Variants in MCF2L observed in about 807,000 individuals in gnomAD.
MCF2L encodes guanine nucleotide exchange factor DBS.
Under a neutral mutation model 153.4 loss-of-function variants are expected in MCF2L, and 97 were observed. That is an observed-to-expected ratio of 0.63 (90% CI 0.54 to 0.75). The LOEUF (loss-of-function observed/expected upper bound fraction) is 0.75, where lower values mean the gene tolerates loss of function less well. MCF2L is among the 30% of genes least tolerant of loss of function. The pLI is 0.00. For missense variants in MCF2L, 1,347 were observed against 1,495.2 expected (o/e 0.90, Z 1.64); for synonymous variants, 659 against 632.2 (o/e 1.04, Z -0.64).
In MCF2L at chr13:113,064,638, C is replaced by CA. The variant is rs76349176; in HGVS notation, c.606+234dup. 0.089 allele frequency: 40,694 copies of CA among 455,346 alleles called. 24 individuals are homozygous for CA. The highest frequency in any genetic ancestry group is 0.12 in the South Asian group (4,183 of 35,760). The allele number at this position is 455,346 out of a possible 1,614,324, so 28.2% of individuals were successfully genotyped here. ...AGTGGCTTTCTCTGGGCTTGGAGAC[C>CA]AAAAAAAAAAAAAAAACCCTTGCGT... On this transcript the variant is annotated intron_variant, in intron 6 of 29. Transcript: ENST00000535094. This position sits in a 1 kb window ranked among gnomAD's most constrained non-coding sequence, Gnocchi z 6.0.
upstream of MCF2L, chr13:112,967,607 A>G (rs1373565173): frequency 6.6e-6 from 1 of 152,306 alleles, no homozygotes; most frequent in Non-Finnish European, 1.5e-5. Flanking sequence ...TAGGCACTAT[A>G]AGGGGGAGTA....
At chr13:113,044,764 C>G (rs766056446) in intron 3 of MCF2L, 57 of 1,612,840 alleles carry the variant, frequency 3.5e-5, no homozygotes, top group Non-Finnish European at 3.1e-5. Context: ...TCTCCCGTTT[C>G]CAGCAGATGC....
chr13:112,957,036 C>T (rs935328426), intron 2 of MCF2L: 1 of 152,136 alleles, frequency 6.6e-6, no homozygotes, highest in Non-Finnish European at 1.5e-5. Flanking sequence ...TACTGCGTGT[C>T]GTTCTTGTGA....
intron 20 of MCF2L, 77 bp downstream of exon 20, chr13:113,085,255 C>T: frequency 8.0e-7 from 1 of 1,244,762 alleles, no homozygotes. Flanking sequence ...GGGGCCCCGT[C>T]CCCATCGCGC....
intron 4 of MCF2L, among the ~76,000 whole-genome samples, chr13:113,056,150 G>C (rs1010892609): frequency 6.6e-6 from 1 of 152,270 alleles, no homozygotes; most frequent in African/African-American, 2.4e-5. Flanking sequence ...ACCTGCCCTG[G>C]ACGGGGAGGG....
rs1224034631 is a variant in MCF2L at position 112,951,675 on chromosome 13, G to A, written c.169+49304G>A. ...GGGGGGTCCACGAGGGGTGATCTGG[G>A]AGGAACATGGGTGTGTCCAGGAGGG... On this transcript the variant is annotated intron_variant, in intron 2 of 29. Transcript: ENST00000375608. This position sits in a 1 kb window ranked among gnomAD's most constrained non-coding sequence, Gnocchi z 4.8. 6.6e-6 allele frequency among the ~76,000 whole-genome samples: 1 copy of A among 152,188 alleles called. No homozygotes were observed. The highest frequency in any genetic ancestry group is 1.9e-4 in the East Asian group (1 of 5,194).
rs768364614 is a variant in MCF2L, at chr13:113,089,736, T to C, written c.2953+8T>C. 1 of 1,611,992 alleles carries C rather than the reference T, an allele frequency of 6.2e-7. No homozygotes were observed. Among genetic ancestry groups the C allele is most frequent in the Non-Finnish European group, 8.5e-7 (1 of 1,178,470 alleles). On this transcript the variant is annotated splice_region_variant and intron_variant, in intron 26 of 29. Transcript: ENST00000535094. ...CCCCCGAAAAGGGCAAAGGTGGGTA[T>C]GTGCAGGGACCGGGCCTCACACGGA...
chr13:112,913,558 G>A (rs898697697), intron 2 of MCF2L, among the ~76,000 whole-genome samples: 2 of 152,188 alleles, frequency 1.3e-5, no homozygotes, highest in East Asian at 1.9e-4. Flanking sequence ...CTCGGTGTGA[G>A]AGGATGGGCT....
Position 113,006,301 on chromosome 13 carries a change from T to C in MCF2L, c.80-8462T>C, listed in dbSNP as rs538457271. Among the ~76,000 whole-genome samples the C allele has an allele frequency of 9.2e-5, 14 of 152,378 alleles. No individual in the cohort carries two copies. In the South Asian group the frequency reaches 2.3e-3, roughly 25 times the overall value. Reference sequence around the variant, plus strand: ...CCTGCAGTCCTGGGCTGCTTACAGCTGAGCCTGACCTTGAATTCCCCGTCT... The same window carrying C: ...CCTGCAGTCCTGGGCTGCTTACAGCCGAGCCTGACCTTGAATTCCCCGTCT... On this transcript the variant is annotated intron_variant, in intron 1 of 29. Coordinates refer to ENST00000535094, the MANE Select transcript of MCF2L (RefSeq NM_001112732.3).
intron 2 of MCF2L, chr13:112,909,165 G>A: frequency 1.3e-5 from 10 of 774,136 alleles, no homozygotes; most frequent in Non-Finnish European, 2.4e-5. Flanking sequence ...TTAAGTCCAG[G>A]ACTGGCAAAA....
chr13:113,025,952 C>CA (rs1566758338), intron 3 of MCF2L, among the ~76,000 whole-genome samples: 1 of 108,806 alleles, frequency 9.2e-6, no homozygotes, highest in African/African-American at 3.3e-5. Flanking sequence ...TGTGAGATTT[C>CA]CCCGTCATGG....
intron 3 of MCF2L, among the ~76,000 whole-genome samples, chr13:113,029,342 G>C (rs1028621655): frequency 6.6e-6 from 1 of 152,216 alleles, no homozygotes; most frequent in Non-Finnish European, 1.5e-5. Context: ...TGTCCTTCCA[G>C]AGAGAGTGAA....
At chr13:113,081,145 CTG>C (rs1314318001) in intron 15 of MCF2L, 66 bp from the exon 16 acceptor site, 4 of 1,352,356 alleles carry the variant, frequency 3.0e-6, no homozygotes, top group Non-Finnish European at 4.1e-6. Context: ...ACCTGTGAGA[CTG>C]TGGAGCAGAC....
intron 1 of MCF2L, among the ~76,000 whole-genome samples, chr13:112,992,718 A>T (rs984951913): frequency 6.6e-6 from 1 of 152,206 alleles, no homozygotes; most frequent in South Asian, 2.1e-4. Flanking sequence ...GGAACTTGGC[A>T]CTTACGTAAC....
At chr13:112,934,899 G>A (rs956079783) in intron 2 of MCF2L, among the ~76,000 whole-genome samples, 13 of 152,356 alleles carry the variant, frequency 8.5e-5, no homozygotes, top group African/African-American at 2.4e-4. Context: ...GGAGTCATTC[G>A]AGGCTTGACT....
intron 1 of MCF2L, among the ~76,000 whole-genome samples, chr13:112,970,068 G>A (rs914144229): frequency 6.6e-6 from 1 of 152,164 alleles, no homozygotes; most frequent in African/African-American, 2.4e-5. Flanking sequence ...CAGAGACTGG[G>A]CTGACAGCTT....
At chr13:113,090,099 C>T in intron 26 of MCF2L, 1 of 1,550,312 alleles carries the variant, frequency 6.5e-7, no homozygotes, top group East Asian at 2.4e-5. Flanking sequence ...CCTCAGAAAG[C>T]TCTGCGCTTT....
intron 3 of MCF2L, among the ~76,000 whole-genome samples, chr13:113,040,121 C>G (rs994953423): frequency 1.3e-5 from 2 of 152,148 alleles, no homozygotes; most frequent in Non-Finnish European, 2.9e-5. Context: ...AGAAGCCAGA[C>G]AGCAAAAAAG....
chr13:112,915,700 C>T (rs9603999), intron 2 of MCF2L, among the ~76,000 whole-genome samples: 40,537 of 151,974 alleles, frequency 0.27, 6,038 homozygotes, highest in Non-Finnish European at 0.34. Context: ...TGCAGATAAT[C>T]ATGGTTTTCT....
Sources: allele counts gnomAD v4.1 joint callset (sites outside exome capture counted in the v4.1 genomes callset), GRCh38; gene constraint gnomAD v4.1.1; non-coding constraint Gnocchi (gnomAD v3.1); transcripts MANE v1.5; gene names NCBI Gene and HGNC (gene_info 2026-07-23, HGNC 2026-07-21).